Variants in JAM3 observed in about 807,000 individuals in gnomAD.
The protein encoded by JAM3 is junctional adhesion molecule 3.
Under a neutral mutation model 39.4 loss-of-function variants are expected in JAM3, and 31 were observed. The observed-to-expected ratio is 0.79, with a 90% confidence interval of 0.59 to 1.06. The LOEUF is 1.06. Among genes scored for constraint, JAM3 ranks in the 50% least tolerant of loss-of-function variants. JAM3 has a pLI of 0.00. For synonymous variants in JAM3, 182 were observed against 148.7 expected, an observed-to-expected ratio of 1.22 and a Z score of -1.63; for missense variants, 455 against 391.4, an observed-to-expected ratio of 1.16 and a Z score of -1.37.
At chr11:134,078,156 G>A (rs1285276654) in intron 1 of JAM3, among the ~76,000 whole-genome samples, 1 of 151,998 alleles carries the variant, frequency 6.6e-6, no homozygotes, top group East Asian at 1.9e-4. Flanking sequence ...GTCTCGCTCT[G>A]TTGCCCAGGC....
intron 1 of JAM3, among the ~76,000 whole-genome samples, chr11:134,103,492 G>C (rs914176380): frequency 9.2e-5 from 14 of 152,146 alleles, no homozygotes; most frequent in African/African-American, 3.1e-4. Context: ...ATAATGACAG[G>C]ATCAAATTCA....
At chr11:134,087,591 T>C (rs1941766728) in intron 1 of JAM3, among the ~76,000 whole-genome samples, 1 of 152,196 alleles carries the variant, frequency 6.6e-6, no homozygotes, top group Admixed American at 6.5e-5. Context: ...CTTTCTCTTC[T>C]TACGTATACA....
At chr11:134,119,711 CATT>C (rs1225642682) in intron 1 of JAM3, among the ~76,000 whole-genome samples, 1 of 152,148 alleles carries the variant, frequency 6.6e-6, no homozygotes, top group Non-Finnish European at 1.5e-5. Flanking sequence ...GGCCCGCCCT[CATT>C]ATGGAGGGCA....
rs181769035 is a variant in JAM3 at position 134,107,249 on chromosome 11, G to A, written c.77-32602G>A. Among the ~76,000 whole-genome samples the A allele has an allele frequency of 4.4e-3, 671 of 152,170 alleles. 4 individuals are homozygous for A. The highest frequency in any genetic ancestry group is 7.6e-3 in the Non-Finnish European group (514 of 68,014). On this transcript the variant is annotated intron_variant, in intron 1 of 8. Transcript: ENST00000299106. The stretch of plus-strand genomic sequence containing the variant: ...TCGCAAGGACAAAAAACCAAACACC[G>A]CATGTTGTCACTCATAGGTGGGAAT...
At chr11:134,090,338 T>A (rs1463862064) in intron 1 of JAM3, among the ~76,000 whole-genome samples, 1 of 152,240 alleles carries the variant, frequency 6.6e-6, no homozygotes, top group Non-Finnish European at 1.5e-5. Context: ...TTTTAGCTTT[T>A]GTTGCCATTG....
chr11:134,112,049 C>G (rs1282568835), intron 1 of JAM3, among the ~76,000 whole-genome samples: 2 of 152,212 alleles, frequency 1.3e-5, no homozygotes, highest in African/African-American at 4.8e-5. Flanking sequence ...TATGTGAAAA[C>G]TGCCCATCTC....
intron 3 of JAM3, among the ~76,000 whole-genome samples, chr11:134,142,447 T>C (rs568851160): frequency 6.6e-6 from 1 of 151,770 alleles, no homozygotes; most frequent in East Asian, 1.9e-4. Context: ...TTTAGTGTGC[T>C]GTTTTTAGTG....
intron 1 of JAM3, among the ~76,000 whole-genome samples, chr11:134,103,308 ATGCT>A (rs1015955317): frequency 2.2e-4 from 34 of 152,290 alleles, no homozygotes; most frequent in African/African-American, 8.2e-4. Flanking sequence ...AGACAAGCAA[ATGCT>A]GAGAGATTTT....
At chr11:134,083,052 T>C (rs767324236) in intron 1 of JAM3, among the ~76,000 whole-genome samples, 16 of 152,246 alleles carry the variant, frequency 1.1e-4, no homozygotes, top group Non-Finnish European at 2.1e-4. Context: ...TCTATGTATA[T>C]TTCCAGCTTA....
At chr11:134,142,317 G>T (rs1255935895) in intron 3 of JAM3, among the ~76,000 whole-genome samples, 1 of 152,160 alleles carries the variant, frequency 6.6e-6, no homozygotes, top group African/African-American at 2.4e-5. Context: ...CCCTGGTGGG[G>T]TTTATTTACT....
chr11:134,119,123 G>A (rs1398215129), intron 1 of JAM3, among the ~76,000 whole-genome samples: 5 of 151,642 alleles, frequency 3.3e-5, no homozygotes, highest in Admixed American at 2.6e-4. Context: ...ACAGAGTTCC[G>A]CCATGTTGGC....
intron 1 of JAM3, among the ~76,000 whole-genome samples, chr11:134,074,987 CTT>C (rs57613157): frequency 7.8e-4 from 97 of 124,470 alleles, no homozygotes; most frequent in African/African-American, 2.1e-3. Context: ...AAGACAGCTG[CTT>C]TTTTTTTTTT....
chr11:134,117,741 TG>T (rs1304838142), intron 1 of JAM3, among the ~76,000 whole-genome samples: 4 of 152,162 alleles, frequency 2.6e-5, no homozygotes, highest in Non-Finnish European at 5.9e-5. Flanking sequence ...TTCCATGCAA[TG>T]GTCTTTGATA....
intron 1 of JAM3, among the ~76,000 whole-genome samples, chr11:134,105,646 C>T (rs1317089180): frequency 6.6e-6 from 1 of 152,232 alleles, no homozygotes; most frequent in African/African-American, 2.4e-5. Flanking sequence ...TAAGCAACTT[C>T]AGCAAAATCT....
rs117803969 is a variant in JAM3 at position 134,089,127 on chromosome 11, A to G, written c.76+19968A>G. ...AATTGAATGTCTGTTTATCAAATAA[A>G]TCAACATGCTGCCTTAGGTGTATGC... On this transcript the variant is annotated intron_variant, in intron 1 of 8. Coordinates refer to ENST00000299106, the MANE Select transcript of JAM3 (RefSeq NM_032801.5). Among the ~76,000 whole-genome samples, 28 of 152,296 alleles carry G rather than the reference A, an allele frequency of 1.8e-4. No individual in the cohort carries two copies. The East Asian group carries it at 5.4e-3, about 29-fold the overall frequency.
Position 134,149,105 on chromosome 11 carries a change from C to G in JAM3, c.898-41C>G, listed in dbSNP as rs1281632210. On this transcript the variant is annotated intron_variant, in intron 8 of 8. Coordinates refer to ENST00000299106, the MANE Select transcript of JAM3 (RefSeq NM_032801.5). ...ACTCCGTGTTTTTCCCTGCTTGCCA[C>G]CAGGCCCCTTGATGGCTCTAACTGT... 1.9e-6 allele frequency: 3 copies of G among 1,612,984 alleles called. No homozygotes were observed. The African/African-American group carries it at 4.0e-5, about 22-fold the overall frequency.
rs1163137968 is a variant in JAM3, at chr11:134,120,704, G to C, written c.77-19147G>C. On this transcript the variant is annotated intron_variant, in intron 1 of 8. Transcript: ENST00000299106. ...GGAGTTTGCACATTCAAACCTTGAC[G>C]AATCTGGGAGTTCAGTTTTTCATGG... Among the ~76,000 whole-genome samples the C allele has an allele frequency of 2.0e-5, 3 of 152,120 alleles. No individual in the cohort carries two copies. The South Asian group carries it at 6.2e-4, about 32-fold the overall frequency.
chr11:134,144,227 T>C lies in JAM3; in HGVS notation c.257-14T>C. 6.2e-7 allele frequency: 1 copy of C among 1,614,170 alleles called. No individual in the cohort carries two copies. The highest frequency in any genetic ancestry group is 2.2e-5 in the East Asian group (1 of 44,884). On this transcript the variant is annotated splice_polypyrimidine_tract_variant and intron_variant, in intron 3 of 8. Transcript: ENST00000299106. ...TTTAAAGAAGTTTTTTAGTGCCTCG[T>C]GTCTTTTCTGTAGGAGACTTGGCGG... is the stretch of plus-strand genomic sequence containing the variant.
intron 1 of JAM3, among the ~76,000 whole-genome samples, chr11:134,129,803 A>T (rs1321876804): frequency 6.6e-6 from 1 of 152,178 alleles, no homozygotes; most frequent in Non-Finnish European, 1.5e-5. Context: ...GGAGCGCGAG[A>T]CCAGCCTGGG....
Sources: allele counts gnomAD v4.1 joint callset (sites outside exome capture counted in the v4.1 genomes callset), GRCh38; gene constraint gnomAD v4.1.1; transcripts MANE v1.5; gene names NCBI Gene and HGNC (gene_info 2026-07-23, HGNC 2026-07-21).